Variants in CFAP57 observed in about 807,000 individuals in gnomAD.
CFAP57 encodes the protein cilia and flagella associated protein 57.
CFAP57 carries 116 observed loss-of-function variants against 146.8 expected under a neutral mutation model. The ratio of observed to expected loss-of-function variants is 0.79; its 90% confidence interval spans 0.68 to 0.92. CFAP57 has a LOEUF of 0.92. Ranked by LOEUF, CFAP57 falls within the 40% of genes least tolerant of loss-of-function variation. The pLI is 0.00. For synonymous variants in CFAP57, 518 were observed against 552.8 expected, an observed-to-expected ratio of 0.94 and a Z score of 0.88; for missense variants, 1,377 against 1,527.2, an observed-to-expected ratio of 0.90 and a Z score of 1.64.
intron 9 of CFAP57, 66 bp downstream of exon 9, chr1:43,199,569 G>C: frequency 1.4e-6 from 2 of 1,392,572 alleles, no homozygotes; most frequent in Non-Finnish European, 2.0e-6. Context: ...CAGCCAGTGG[G>C]ATACAGGTGA....
intron 2 of CFAP57, among the ~76,000 whole-genome samples, chr1:43,179,698 C>A (rs1395927208): frequency 6.6e-6 from 1 of 152,148 alleles, no homozygotes; most frequent in Admixed American, 6.5e-5. Context: ...AGCCTCAACC[C>A]CTCCCGCCAG....
chr1:43,212,282 C>G (rs1246536993), intron 11 of CFAP57, among the ~76,000 whole-genome samples: 1 of 152,210 alleles, frequency 6.6e-6, no homozygotes, highest in Non-Finnish European at 1.5e-5. Context: ...CCTTCAGAGT[C>G]CTACCACTCC....
At position 43,249,177 on chromosome 1, in the gene CFAP57, G is replaced by T. The variant is rs187571347; in HGVS notation, c.3539-4800G>T. On this transcript the variant is annotated intron_variant, in intron 22 of 22. Transcript: ENST00000372492. ...AGCCTCCCAAAGTGCTGGGATTATAGGCGTGAGCTGCCGTGTCCAGCCCAT... is the reference window on the plus strand; with the variant it reads ...AGCCTCCCAAAGTGCTGGGATTATATGCGTGAGCTGCCGTGTCCAGCCCAT... Among the ~76,000 whole-genome samples, 5 of 151,780 alleles carry T rather than the reference G, an allele frequency of 3.3e-5. No individual in the cohort carries two copies. In the East Asian group the frequency reaches 9.7e-4, roughly 29 times the overall value.
intron 9 of CFAP57, among the ~76,000 whole-genome samples, chr1:43,205,267 T>G (rs535972309): frequency 7.9e-5 from 12 of 152,322 alleles, no homozygotes; most frequent in African/African-American, 2.9e-4. Context: ...TCTCCACTGT[T>G]TTAGACAATG....
At chr1:43,234,872 T>C (rs1645627012) in intron 21 of CFAP57, among the ~76,000 whole-genome samples, 1 of 152,056 alleles carries the variant, frequency 6.6e-6, no homozygotes, top group African/African-American at 2.4e-5. Flanking sequence ...CACCCTGGCC[T>C]CCACCCCACC....
chr1:43,236,687 A>AC (rs1645713290), intron 21 of CFAP57, among the ~76,000 whole-genome samples: 1 of 146,130 alleles, frequency 6.8e-6, no homozygotes, highest in Non-Finnish European at 1.5e-5. Flanking sequence ...AGGCGGGTGG[A>AC]TCGTGAGGTC....
intron 9 of CFAP57, among the ~76,000 whole-genome samples, chr1:43,204,108 G>C (rs1644251434): frequency 6.6e-6 from 1 of 152,160 alleles, no homozygotes; most frequent in South Asian, 2.1e-4. Flanking sequence ...CAAATCTACT[G>C]TTGAGCCTTC....
chr1:43,221,859 A>T (rs1238499252), intron 14 of CFAP57, among the ~76,000 whole-genome samples: 3 of 152,108 alleles, frequency 2.0e-5, no homozygotes, highest in Admixed American at 6.5e-5. Flanking sequence ...TGAGTCCCCA[A>T]ATACCACTCT....
At chr1:43,231,939 A>G (rs1001637788) in intron 18 of CFAP57, 7 of 511,542 alleles carry the variant, frequency 1.4e-5, no homozygotes, top group African/African-American at 9.7e-5. Flanking sequence ...GACACTTCTC[A>G]GTTGTACTTT....
At chr1:43,234,441 C>T in intron 20 of CFAP57, 28 bp downstream of exon 20, 3 of 1,543,694 alleles carry the variant, frequency 1.9e-6, no homozygotes, top group Non-Finnish European at 2.6e-6. Flanking sequence ...TCCTGCCATG[C>T]ACTGACCTCC....
chr1:43,180,506 G>C (rs554301534), intron 2 of CFAP57, among the ~76,000 whole-genome samples: 2 of 152,122 alleles, frequency 1.3e-5, no homozygotes, highest in Admixed American at 1.3e-4. Flanking sequence ...GCTAGAGAGT[G>C]ATGTGACGGG....
At chr1:43,215,764 A>C (rs1644810427) in intron 12 of CFAP57, among the ~76,000 whole-genome samples, 1 of 152,244 alleles carries the variant, frequency 6.6e-6, no homozygotes, top group Admixed American at 6.5e-5. Flanking sequence ...CATGGAAGAC[A>C]ATCAATAAAT....
At chr1:43,243,612 G>C (rs1349691254) in intron 22 of CFAP57, among the ~76,000 whole-genome samples, 1 of 152,188 alleles carries the variant, frequency 6.6e-6, no homozygotes, top group Non-Finnish European at 1.5e-5. Context: ...GACTCTTTTA[G>C]ATTTTAGAAA....
At chr1:43,182,807 A>G (rs1645468383) in intron 3 of CFAP57, among the ~76,000 whole-genome samples, 1 of 152,206 alleles carries the variant, frequency 6.6e-6, no homozygotes, top group South Asian at 2.1e-4. Context: ...AACAGATGAA[A>G]AAGTCACAGC....
At chr1:43,236,081 C>CA (rs1553186820) in intron 21 of CFAP57, among the ~76,000 whole-genome samples, 17 of 152,162 alleles carry the variant, frequency 1.1e-4, no homozygotes, top group Non-Finnish European at 1.9e-4. Flanking sequence ...GAGACCCAAG[C>CA]GGCCTCCTGC....
chr1:43,216,690 ACTC>A (rs1644846414), intron 12 of CFAP57, among the ~76,000 whole-genome samples: 1 of 150,842 alleles, frequency 6.6e-6, no homozygotes, highest in Admixed American at 6.6e-5. Flanking sequence ...AACCTTTCTG[ACTC>A]CTCCTCCCCG....
At chr1:43,213,860 A>G (rs1360162645) in intron 11 of CFAP57, among the ~76,000 whole-genome samples, 1 of 149,386 alleles carries the variant, frequency 6.7e-6, no homozygotes, top group Non-Finnish European at 1.5e-5. Context: ...TCTTCTTTTG[A>G]GAAATGTCTA....
At chr1:43,189,444 A>T (rs1643361675) in intron 6 of CFAP57, among the ~76,000 whole-genome samples, 1 of 152,240 alleles carries the variant, frequency 6.6e-6, no homozygotes, top group South Asian at 2.1e-4. Context: ...TTTTCAGAGT[A>T]TAACTTTTGC....
chr1:43,228,250 G>C (rs1260821928), intron 18 of CFAP57, among the ~76,000 whole-genome samples: 3 of 152,240 alleles, frequency 2.0e-5, no homozygotes, highest in African/African-American at 7.2e-5. Context: ...GTTCCTGTAA[G>C]TCACGCTTTT....
Sources: gnomAD v4.1 joint callset for allele counts (sites outside exome capture counted in the v4.1 genomes callset) on GRCh38, gnomAD v4.1.1 for gene constraint, MANE v1.5 for transcripts, NCBI Gene and HGNC (gene_info 2026-07-23, HGNC 2026-07-21) for gene names.